Variants in ACACB observed in about 807,000 individuals in gnomAD.
The protein encoded by ACACB is acetyl-CoA carboxylase 2.
Under a neutral mutation model 278.8 loss-of-function variants are expected in ACACB, and 209 were observed. The observed-to-expected ratio is 0.75, with a 90% CI of 0.67 to 0.84. The LOEUF is 0.84. Ranked by LOEUF, ACACB falls within the 40% of genes least tolerant of loss-of-function variation. ACACB has a pLI of 0.00. For missense variants in ACACB, 2,850 were observed against 3,269.0 expected (o/e 0.87, Z 3.13); for synonymous variants, 1,174 against 1,285.6 (o/e 0.91, Z 1.86).
intron 27 of ACACB, among the ~76,000 whole-genome samples, chr12:109,224,158 C>T (rs907972896): frequency 7.2e-5 from 11 of 152,146 alleles, no homozygotes; most frequent in Non-Finnish European, 1.5e-4. Context: ...TGCCTCATTC[C>T]AGATTCCATG....
intron 1 of ACACB, among the ~76,000 whole-genome samples, chr12:109,134,205 C>T (rs923126526): frequency 1.1e-4 from 17 of 152,116 alleles, no homozygotes; most frequent in Non-Finnish European, 2.2e-4. Flanking sequence ...AACAGACAAC[C>T]GAACAAGCCA....
At chr12:109,203,544 T>C (rs990223587) in intron 19 of ACACB, among the ~76,000 whole-genome samples, 2 of 152,178 alleles carry the variant, frequency 1.3e-5, no homozygotes, top group Non-Finnish European at 2.9e-5. Context: ...GAACAGGGCC[T>C]TTTGGCTTTC....
Position 109,239,853 on chromosome 12 carries a change from G to C in ACACB, c.4686G>C (p.Gln1562His). The change falls in exon 35 of 53, where the codon CAG becomes CAC. Residue 1562 changes from glutamine (Q) to histidine (H), a missense_variant. This residue lies in a region of ACACB where 2,265 missense variants were observed against 2,561.3 expected (regional missense o/e 0.88). Transcript: ENST00000338432. Reference protein sequence around the residue: ...ITKEASFEYLQNEGERLLLEA... With the variant: ...ITKEASFEYLHNEGERLLLEA... ...AGGAAGCCTCCTTCGAATACCTGCA[G>C]AACGAGGGTGAGCGGCTGCTCCTGG... The C allele has an allele frequency of 6.2e-7, 1 of 1,613,932 alleles. No homozygotes were observed. The highest frequency in any genetic ancestry group is 1.1e-5 in the South Asian group (1 of 91,058).
chr12:109,116,999 A>G (rs999728368), intron 1 of ACACB, among the ~76,000 whole-genome samples: 8 of 148,788 alleles, frequency 5.4e-5, no homozygotes, highest in African/African-American at 2.0e-4. Context: ...CTCCAAAGCT[A>G]CTGTCTTAAG....
At chr12:109,140,144 A>T in intron 2 of ACACB, 86 bp downstream of exon 2, 1 of 1,406,252 alleles carries the variant, frequency 7.1e-7, no homozygotes, top group Non-Finnish European at 9.4e-7. Context: ...ACCTTGATCA[A>T]GCTGTTTGCT....
chr12:109,115,257 C>G (rs899775346), upstream of ACACB, among the ~76,000 whole-genome samples: 10 of 152,100 alleles, frequency 6.6e-5, no homozygotes, highest in Admixed American at 5.2e-4. Context: ...AAAGTCATGG[C>G]TAATGGAGGG....
Position 109,191,919 on chromosome 12 carries a change from T to A in ACACB, c.2368T>A (p.Cys790Ser), listed in dbSNP as rs1176768494. ...CGTGGCCGATGCGATGTTCAGAACG[T>A]GCATGACAGATTTCTTACACTCCCT... ...LNVADAMFRT[C>S]MTDFLHSLER... The change falls in exon 15 of 53, where the codon TGC (cysteine) becomes AGC (serine). Residue 790 changes from cysteine to serine, a missense_variant. Transcript: ENST00000338432. 3.1e-6 allele frequency: 5 copies of A among 1,614,086 alleles called. No homozygotes were observed. The highest frequency in any genetic ancestry group is 8.5e-7 in the Non-Finnish European group (1 of 1,180,040).
chr12:109,258,457 C>T, intron 46 of ACACB, 93 bp downstream of exon 46: 1 of 1,030,918 alleles, frequency 9.7e-7, no homozygotes, highest in Non-Finnish European at 1.4e-6. Flanking sequence ...GCCCTGCCAA[C>T]TTAGGTGGAG....
intron 3 of ACACB, among the ~76,000 whole-genome samples, chr12:109,167,621 G>GTATATATA (rs1216217057): frequency 0.015 from 1,135 of 77,456 alleles, 46 homozygotes; most frequent in East Asian, 0.061. Context: ...ATATGTATGT[G>GTATATATA]TATATATATA....
chr12:109,228,800 G>A (rs144903117), intron 28 of ACACB, among the ~76,000 whole-genome samples: 1 of 152,140 alleles, frequency 6.6e-6, no homozygotes, highest in South Asian at 2.1e-4. Flanking sequence ...ATTGGGAAGA[G>A]TCATGAGATA....
At chr12:109,229,084 A>G (rs2136571298) in intron 28 of ACACB, among the ~76,000 whole-genome samples, 1 of 152,164 alleles carries the variant, frequency 6.6e-6, no homozygotes, top group East Asian at 1.9e-4. Flanking sequence ...CTGGGACTAC[A>G]GGCGCACACC....
intron 31 of ACACB, among the ~76,000 whole-genome samples, chr12:109,234,360 A>G (rs2046570523): frequency 6.6e-6 from 1 of 152,168 alleles, no homozygotes; most frequent in South Asian, 2.1e-4. Context: ...TTTTGTTGGA[A>G]TAATCCAGAA....
At chr12:109,155,406 T>C (rs923744421) in intron 2 of ACACB, among the ~76,000 whole-genome samples, 2 of 152,216 alleles carry the variant, frequency 1.3e-5, no homozygotes, top group African/African-American at 4.8e-5. Context: ...TAGCTCTACC[T>C]ACTTGGTTTT....
intron 34 of ACACB, among the ~76,000 whole-genome samples, chr12:109,238,862 G>T (rs2046714955): frequency 6.6e-6 from 1 of 151,628 alleles, no homozygotes; most frequent in East Asian, 1.9e-4. Context: ...ACCACGCCTG[G>T]CCCTATTGAT....
chr12:109,154,202 G>C (rs550681313), intron 2 of ACACB, among the ~76,000 whole-genome samples: 1 of 152,194 alleles, frequency 6.6e-6, no homozygotes, highest in African/African-American at 2.4e-5. Context: ...GGAGGCACTC[G>C]CTTCAGTAGC....
intron 2 of ACACB, among the ~76,000 whole-genome samples, chr12:109,161,491 C>T (rs1376750428): frequency 1.3e-5 from 2 of 151,808 alleles, no homozygotes; most frequent in African/African-American, 2.4e-5. Context: ...TGCAGAGAGC[C>T]GAGATTATGC....
intron 17 of ACACB, 83 bp downstream of exon 17, chr12:109,197,236 G>A: frequency 1.3e-6 from 2 of 1,505,548 alleles, no homozygotes; most frequent in Non-Finnish European, 1.8e-6. Context: ...ACTGGCCTGT[G>A]TGCAGGTCCA....
At chr12:109,175,824 G>A (rs1402102405) in intron 7 of ACACB, 107 bp from the exon 8 acceptor site, 29 of 902,412 alleles carry the variant, frequency 3.2e-5, no homozygotes, top group Non-Finnish European at 5.0e-5. Flanking sequence ...CGCTGGTCCA[G>A]AAGCCCAGGT....
At position 109,168,594 on chromosome 12, in the gene ACACB, T is replaced by C. The variant is rs183906203; in HGVS notation, c.925+560T>C. Among the ~76,000 whole-genome samples the C allele has an allele frequency of 2.6e-5, 4 of 152,092 alleles. No homozygotes were observed. In the East Asian group the frequency reaches 5.8e-4, roughly 22 times the overall value. On this transcript the variant is annotated intron_variant, in intron 4 of 52. Transcript: ENST00000338432. ...ACTTTGGGAGGCTAAGGTGGGAGGA[T>C]TGCTTGAGCCCTTGAGTTTGAGAGC...
Sources: gnomAD v4.1 joint callset for allele counts (sites outside exome capture counted in the v4.1 genomes callset) on GRCh38, gnomAD v4.1.1 for gene constraint, gnomAD v4.1.1 regional missense constraint, MANE v1.5 for transcripts, NCBI Gene and HGNC (gene_info 2026-07-23, HGNC 2026-07-21) for gene names.